The following ENDOV variants were observed in gnomAD, a reference collection of about 807,000 sequenced individuals.
ENDOV encodes hEndoV.
ENDOV carries 37 observed loss-of-function variants against 39.4 expected under a neutral mutation model. The observed-to-expected ratio is 0.94, with a 90% CI of 0.72 to 1.23. The LOEUF is 1.23. Ranked by LOEUF, ENDOV falls within the 50% of genes most tolerant of loss-of-function variation. The pLI is 0.00. For synonymous variants in ENDOV, 186 were observed against 163.4 expected, an observed-to-expected ratio of 1.14 and a Z score of -1.05; for missense variants, 441 against 375.7, an observed-to-expected ratio of 1.17 and a Z score of -1.44.
intron 9 of ENDOV, chr17:80,433,156 G>A (rs1320415029): frequency 1.9e-6 from 1 of 520,148 alleles, no homozygotes; most frequent in Admixed American, 1.9e-5. Context: ...TAGAAGCACA[G>A]TGTGGAAGCT....
At chr17:80,416,020 C>G (rs1453568128) in intron 2 of ENDOV, 199 bp downstream of exon 2, 1 of 579,356 alleles carries the variant, frequency 1.7e-6, no homozygotes, top group Non-Finnish European at 2.9e-6. Flanking sequence ...GGGGAATCAC[C>G]TGAGGTCGGG....
chr17:80,419,121 C>A (rs373252577), intron 2 of ENDOV, among the ~76,000 whole-genome samples: 1 of 146,970 alleles, frequency 6.8e-6, no homozygotes, highest in African/African-American at 2.5e-5. Flanking sequence ...TGCAGTGAGC[C>A]GAGATCGCGT....
intron 7 of ENDOV, among the ~76,000 whole-genome samples, chr17:80,426,606 G>A (rs2088665722): frequency 6.6e-6 from 1 of 152,186 alleles, no homozygotes; most frequent in Non-Finnish European, 1.5e-5. Flanking sequence ...TGCCCTGATT[G>A]GGCCACTGCA....
At chr17:80,430,346 C>T in intron 9 of ENDOV, 5 of 1,528,074 alleles carry the variant, frequency 3.3e-6, no homozygotes, top group Non-Finnish European at 4.4e-6. Context: ...CTTTTTTATT[C>T]TTCTCAGGAT....
intron 9 of ENDOV, among the ~76,000 whole-genome samples, chr17:80,430,727 CTG>C (rs1366598816): frequency 2.0e-5 from 3 of 152,198 alleles, no homozygotes; most frequent in Admixed American, 6.5e-5. Context: ...GTGCCAGGCT[CTG>C]TGCCCGGCGG....
At chr17:80,427,569 C>T (rs987362187) in intron 7 of ENDOV, 15 of 1,069,396 alleles carry the variant, frequency 1.4e-5, no homozygotes, top group Non-Finnish European at 1.6e-5. Context: ...CAGGAGCCCG[C>T]AGCTTCTTAC....
Position 80,425,422 on chromosome 17 carries a change from T to A in ENDOV, c.586-70T>A, listed in dbSNP as rs1426170680. 2.6e-6 allele frequency: 4 copies of A among 1,520,506 alleles called. No homozygotes were observed. In the African/African-American group the frequency reaches 5.5e-5, roughly 21 times the overall value. 94.2% of individuals were successfully genotyped at this position (1,520,506 alleles called of 1,614,324 possible). ...CAGGACATTTTGTCAGAGCTCCAGC[T>A]GCTGAGGCTGTCCTGACCCTGGTCC... On this transcript the variant is annotated intron_variant, in intron 6 of 9. Coordinates refer to ENST00000518137, the MANE Select transcript of ENDOV (RefSeq NM_173627.5).
At chr17:80,425,816 G>T (rs997922461) in intron 7 of ENDOV, among the ~76,000 whole-genome samples, 196 bp downstream of exon 7, 2 of 152,150 alleles carry the variant, frequency 1.3e-5, no homozygotes, top group Non-Finnish European at 2.9e-5. Context: ...AGACTGGGGG[G>T]TGCAGGGCTC....
intron 9 of ENDOV, among the ~76,000 whole-genome samples, chr17:80,434,394 T>C (rs2083487680): frequency 6.6e-6 from 1 of 152,244 alleles, no homozygotes; most frequent in Non-Finnish European, 1.5e-5. Context: ...TGAATAATGC[T>C]GCAATGAAGA....
chr17:80,421,868 C>A lies in ENDOV; in HGVS notation c.269C>A (p.Pro90His). The A allele has an allele frequency of 6.2e-7, 1 of 1,605,434 alleles. No individual in the cohort carries two copies. The highest frequency in any genetic ancestry group is 2.2e-5 in the East Asian group (1 of 44,626). ...AGCCGCATGGTCAGCCTCACAGCCCCCTACGTGTCGGGCTTCCTGGCCTTC... is the reference window on the plus strand; with the variant it reads ...AGCCGCATGGTCAGCCTCACAGCCCACTACGTGTCGGGCTTCCTGGCCTTC... ...EESRMVSLTA[P>H]YVSGFLAFRE... Residue 90 changes from proline (P) to histidine (H), a missense_variant, in exon 3 of 10, where the codon CCC becomes CAC. Pro to His is a moderately conservative substitution (Grantham distance 77, BLOSUM62 -2). Transcript: ENST00000518137.
At chr17:80,430,340 T>G (rs764705459) in intron 9 of ENDOV, 26 of 1,527,746 alleles carry the variant, frequency 1.7e-5, no homozygotes, top group Non-Finnish European at 2.2e-5. Flanking sequence ...CTTGCTCTTT[T>G]TTATTCTTCT....
chr17:80,428,328 C>G, intron 7 of ENDOV: 1 of 501,516 alleles, frequency 2.0e-6, no homozygotes, highest in Non-Finnish European at 3.6e-6. Flanking sequence ...CTCACTCAGC[C>G]TGTCCACTCA....
At chr17:80,415,499 T>G (rs2080984406) in intron 1 of ENDOV, 151 bp from the exon 2 acceptor site, 13 of 1,143,494 alleles carry the variant, frequency 1.1e-5, no homozygotes, top group Non-Finnish European at 1.6e-5. Flanking sequence ...CCTGGGCTCC[T>G]AGGGACTGTG....
intron 4 of ENDOV, among the ~76,000 whole-genome samples, chr17:80,422,972 T>C (rs940684911): frequency 6.6e-6 from 1 of 151,820 alleles, no homozygotes; most frequent in African/African-American, 2.4e-5. Context: ...GTGCTGGGAT[T>C]TCAGGCGTGA....
At chr17:80,422,950 C>T (rs998834128) in intron 4 of ENDOV, among the ~76,000 whole-genome samples, 7 of 152,152 alleles carry the variant, frequency 4.6e-5, no homozygotes, top group Non-Finnish European at 8.8e-5. Flanking sequence ...CCGCCTGCCT[C>T]GGCCTCCCAA....
Position 80,425,050 on chromosome 17 carries a change from CG to C in ENDOV, c.536del (p.Arg179GlnfsTer19), listed in dbSNP as rs780925398. On this transcript the variant is annotated frameshift_variant, in exon 6 of 10. Transcript: ENST00000518137. LOFTEE classifies it high-confidence loss of function. ...TTTCCAGATCCGACTCCTGCAGACTCGAGGAGACTCATTCCCTCTGCTGGGA... is the reference window on the plus strand; with the variant it reads ...TTTCCAGATCCGACTCCTGCAGACTCAGGAGACTCATTCCCTCTGCTGGGA... ...HKEKIRLLQTRGDSFPLLGDS... is the reference protein window; with the variant it reads ...HKEKIRLLQTXGDSFPLLGDS... 6.2e-7 allele frequency: 1 copy of C among 1,612,514 alleles called. No homozygotes were observed. Among genetic ancestry groups the C allele is most frequent in the Admixed American group, 1.7e-5 (1 of 59,902 alleles).
Position 80,419,543 on chromosome 17 carries a change from G to T in ENDOV, c.229-2285G>T, listed in dbSNP as rs763443930. ...AGCAATGGCTAGTGTGTTCTGCTCC[G>T]CAGGGAGCTGACTCCTACTTGTCTG... On this transcript the variant is annotated intron_variant, in intron 2 of 9. Coordinates refer to ENST00000518137, the MANE Select transcript of ENDOV (RefSeq NM_173627.5). The T allele has an allele frequency of 1.1e-5, 8 of 701,430 alleles. No individual in the cohort carries two copies. The African/African-American group carries it at 1.4e-4, about 12-fold the overall frequency. 43.5% of individuals were successfully genotyped at this position (701,430 alleles called of 1,614,324 possible). A position where few individuals can be genotyped will look rare whatever the true frequency, so the allele number is the denominator to read the frequency against.
At chr17:80,432,429 C>T (rs1159667165) in intron 9 of ENDOV, among the ~76,000 whole-genome samples, 1 of 152,086 alleles carries the variant, frequency 6.6e-6, no homozygotes, top group African/African-American at 2.4e-5. Context: ...CGTGGACAGC[C>T]TCCAGAGGTG....
At chr17:80,431,622 G>T (rs2083335275) in intron 9 of ENDOV, among the ~76,000 whole-genome samples, 1 of 152,224 alleles carries the variant, frequency 6.6e-6, no homozygotes, top group Admixed American at 6.5e-5. Flanking sequence ...GGCCCCTCAG[G>T]CCCTCCATGC....
Sources: gnomAD v4.1 joint callset for allele counts (sites outside exome capture counted in the v4.1 genomes callset) on GRCh38, gnomAD v4.1.1 for gene constraint, MANE v1.5 for transcripts, NCBI Gene and HGNC (gene_info 2026-07-23, HGNC 2026-07-21) for gene names.